DGKB: variants seen among roughly 807,000 people sequenced by gnomAD.
DGKB encodes the protein diacylglycerol kinase beta, also known as 90 kDa diacylglycerol kinase.
DGKB carries 67 observed loss-of-function variants against 114.3 expected under a neutral mutation model. The observed-to-expected ratio is 0.59, with a 90% CI of 0.48 to 0.72. The LOEUF is 0.72. Among genes scored for constraint, DGKB ranks in the 30% least tolerant of loss-of-function variants. The pLI is 0.00. For synonymous variants in DGKB, 398 were observed against 323.1 expected, an observed-to-expected ratio of 1.23 and a Z score of -2.49; for missense variants, 907 against 975.2, an observed-to-expected ratio of 0.93 and a Z score of 0.93.
intron 4 of DGKB, among the ~76,000 whole-genome samples, chr7:14,747,921 C>T (rs1028941730): frequency 9.9e-5 from 15 of 152,120 alleles, no homozygotes; most frequent in Admixed American, 3.3e-4. Flanking sequence ...GCTCAGATGT[C>T]GCTGCCAAAT....
At chr7:14,315,725 G>A (rs1156740293) in intron 23 of DGKB, among the ~76,000 whole-genome samples, 16 of 150,184 alleles carry the variant, frequency 1.1e-4, no homozygotes, top group Admixed American at 5.3e-4. Context: ...ACAGATCAAC[G>A]GGACAGAAAG....
intron 22 of DGKB, 92 bp downstream of exon 22, chr7:14,345,209 T>C: frequency 1.4e-6 from 1 of 699,482 alleles, no homozygotes; most frequent in East Asian, 2.8e-5. Context: ...TGCTAATATA[T>C]ATTTCATTCC....
At chr7:14,563,204 TG>T (rs1796928764) in intron 20 of DGKB, among the ~76,000 whole-genome samples, 1 of 152,218 alleles carries the variant, frequency 6.6e-6, no homozygotes, top group African/African-American at 2.4e-5. Flanking sequence ...TGTGAAACTG[TG>T]AGTCCACTAA....
chr7:14,354,592 C>T (rs1814103947), intron 21 of DGKB, among the ~76,000 whole-genome samples: 1 of 152,018 alleles, frequency 6.6e-6, no homozygotes, highest in African/African-American at 2.4e-5. Flanking sequence ...AGATCAAGTG[C>T]TATAAAGAAG....
chr7:14,634,921 T>C (rs942551562), intron 13 of DGKB, among the ~76,000 whole-genome samples: 1 of 151,600 alleles, frequency 6.6e-6, no homozygotes, highest in Non-Finnish European at 1.5e-5. Flanking sequence ...AAAATGATTT[T>C]AATACTATTG....
chr7:14,365,540 T>G (rs1057260087), intron 21 of DGKB, among the ~76,000 whole-genome samples: 1 of 152,096 alleles, frequency 6.6e-6, no homozygotes, highest in Non-Finnish European at 1.5e-5. Context: ...TACGCTAGTA[T>G]AATACATAGA....
chr7:14,863,032 G>C (rs1236395291), intron 1 of DGKB, among the ~76,000 whole-genome samples: 1 of 151,736 alleles, frequency 6.6e-6, no homozygotes, highest in Non-Finnish European at 1.5e-5. Context: ...TAAAAAGTCA[G>C]GAAATGTAAA....
In DGKB at chr7:14,556,075, G is replaced by T. The variant is rs141843069; in HGVS notation, c.1770+18137C>A. Among the ~76,000 whole-genome samples the T allele has an allele frequency of 7.7e-3, 1,177 of 152,264 alleles. 13 individuals carry two copies. Among genetic ancestry groups the T allele is most frequent in the Middle Eastern group, 0.014 (4 of 294 alleles). ...TAATTATTTCTTGCAGGAGATTCAA[G>T]AATGATCTCTTGGGGTCTGGATTGG... On this transcript the variant is annotated intron_variant, in intron 20 of 25. Transcript: ENST00000402815.
chr7:14,950,432 G>A lies in DGKB; in HGVS notation c.-188+24264C>T, dbSNP rs1032724792. 4.0e-5 allele frequency among the ~76,000 whole-genome samples: 6 copies of A among 151,594 alleles called. No individual in the cohort carries two copies. The East Asian group carries it at 1.2e-3, about 29-fold the overall frequency. On this transcript the variant is annotated intron_variant, in intron 1 of 4. Transcript: ENST00000437998. ...TTAGAGCAGAAATTGATGAAATGGA[G>A]AACAAAAAAGCTGTAGAGAAAATTA...
intron 21 of DGKB, among the ~76,000 whole-genome samples, chr7:14,472,219 C>T (rs1347830867): frequency 1.3e-5 from 2 of 152,118 alleles, no homozygotes; most frequent in African/African-American, 4.8e-5. Context: ...CTTGAATTTC[C>T]ACATGTTGTG....
At chr7:14,422,287 T>G (rs1375489777) in intron 21 of DGKB, among the ~76,000 whole-genome samples, 1 of 152,100 alleles carries the variant, frequency 6.6e-6, no homozygotes, top group African/African-American at 2.4e-5. Context: ...TAACTTTTAA[T>G]GGAGTAAATA....
chr7:14,700,840 A>G (rs987536299), intron 7 of DGKB, among the ~76,000 whole-genome samples: 1 of 152,216 alleles, frequency 6.6e-6, no homozygotes, highest in African/African-American at 2.4e-5. Flanking sequence ...TAAAAATGGT[A>G]CACTTCAAAA....
intron 13 of DGKB, among the ~76,000 whole-genome samples, chr7:14,652,557 A>G (rs916433229): frequency 9.9e-5 from 15 of 151,952 alleles, no homozygotes; most frequent in African/African-American, 3.6e-4. Flanking sequence ...CTAGAAGAAA[A>G]CCTAGGCTTT....
chr7:14,252,435 C>G (rs1584739097), intron 23 of DGKB, among the ~76,000 whole-genome samples: 1 of 152,186 alleles, frequency 6.6e-6, no homozygotes, highest in Non-Finnish European at 1.5e-5. Flanking sequence ...GAAATGGCAG[C>G]TCTTTCAGTC....
intron 13 of DGKB, among the ~76,000 whole-genome samples, chr7:14,646,838 G>A (rs142989531): frequency 1.7e-3 from 252 of 151,410 alleles, no homozygotes; most frequent in Non-Finnish European, 3.0e-3. Context: ...GTGCTAAGAG[G>A]GAAGATTACA....
intron 20 of DGKB, among the ~76,000 whole-genome samples, chr7:14,489,140 T>C (rs1228225471): frequency 1.3e-5 from 2 of 152,210 alleles, no homozygotes; most frequent in African/African-American, 2.4e-5. Flanking sequence ...CCTGTATCTA[T>C]TGAATAATGT....
intron 16 of DGKB, among the ~76,000 whole-genome samples, chr7:14,609,705 T>G (rs1805166121): frequency 6.6e-6 from 1 of 151,832 alleles, no homozygotes. Context: ...CCATTAAACA[T>G]GAGCAAAATA....
intron 2 of DGKB, among the ~76,000 whole-genome samples, chr7:14,832,969 C>T (rs1846633121): frequency 6.6e-6 from 1 of 151,986 alleles, no homozygotes; most frequent in Non-Finnish European, 1.5e-5. Flanking sequence ...AAAATCAAAC[C>T]ACTCTACTTT....
chr7:14,476,685 T>C (rs1782218201), intron 21 of DGKB, among the ~76,000 whole-genome samples: 1 of 152,060 alleles, frequency 6.6e-6, no homozygotes, highest in Non-Finnish European at 1.5e-5. Context: ...ATGATTTATT[T>C]GTAGGGTAAA....
Sources: gnomAD v4.1 joint callset for allele counts (sites outside exome capture counted in the v4.1 genomes callset) on GRCh38, gnomAD v4.1.1 for gene constraint, MANE v1.5 for transcripts, NCBI Gene and HGNC (gene_info 2026-07-23, HGNC 2026-07-21) for gene names.